Variants in DGKB observed in about 807,000 individuals in gnomAD.
DGKB encodes 90 kDa diacylglycerol kinase.
In DGKB, 67 loss-of-function variants were observed where a neutral mutation model predicts 114.3. The observed-to-expected ratio is 0.59, with a 90% CI of 0.48 to 0.72. DGKB has a LOEUF of 0.72. Ranked by LOEUF, DGKB falls within the 30% of genes least tolerant of loss-of-function variation. The probability of loss-of-function intolerance (pLI) is 0.00; values close to 1 mark genes in which losing one functional copy is unlikely to be tolerated. For missense variants in DGKB, 907 were observed against 975.2 expected (o/e 0.93, Z 0.93); for synonymous variants, 398 against 323.1 (o/e 1.23, Z -2.49).
At chr7:14,463,323 C>T (rs528424419) in intron 21 of DGKB, among the ~76,000 whole-genome samples, 13 of 152,180 alleles carry the variant, frequency 8.5e-5, no homozygotes, top group South Asian at 2.1e-4. Context: ...AGCAAACTAC[C>T]GTGGCACATG....
chr7:14,581,104 A>C (rs1344141226), intron 18 of DGKB, among the ~76,000 whole-genome samples, 153 bp from the exon 19 acceptor site: 1 of 152,256 alleles, frequency 6.6e-6, no homozygotes, highest in Non-Finnish European at 1.5e-5. Flanking sequence ...ACAATAATGA[A>C]TTATGGATAA....
chr7:14,426,641 A>G (rs28729464), intron 21 of DGKB, among the ~76,000 whole-genome samples: 4,410 of 152,238 alleles, frequency 0.029, 236 homozygotes, highest in African/African-American at 0.1. Flanking sequence ...TAAAATTATG[A>G]GTTCAGAAAA....
intron 23 of DGKB, among the ~76,000 whole-genome samples, chr7:14,335,675 G>A (rs771570702): frequency 7.9e-5 from 12 of 152,166 alleles, no homozygotes; most frequent in Admixed American, 5.9e-4. Flanking sequence ...TAATGATTTT[G>A]TGTGAATTTG....
intron 1 of DGKB, among the ~76,000 whole-genome samples, chr7:14,932,926 G>T (rs1313525114): frequency 6.6e-6 from 1 of 152,132 alleles, no homozygotes; most frequent in Non-Finnish European, 1.5e-5. Flanking sequence ...ATTGCTATTT[G>T]GTCGGTCCAG....
intron 21 of DGKB, among the ~76,000 whole-genome samples, chr7:14,353,928 C>A (rs1172122092): frequency 6.6e-6 from 1 of 152,122 alleles, no homozygotes; most frequent in Non-Finnish European, 1.5e-5. Flanking sequence ...CACTTACATG[C>A]ATGAAATAAT....
intron 20 of DGKB, among the ~76,000 whole-genome samples, chr7:14,517,318 A>G (rs1788978375): frequency 6.6e-6 from 1 of 152,166 alleles, no homozygotes; most frequent in African/African-American, 2.4e-5. Context: ...AAGATAGATT[A>G]AAGACTTAAA....
intron 21 of DGKB, among the ~76,000 whole-genome samples, chr7:14,377,593 A>G (rs1818701915): frequency 1.3e-5 from 2 of 152,220 alleles, no homozygotes; most frequent in Non-Finnish European, 1.5e-5. Flanking sequence ...ATAAAAACAT[A>G]TACTGTGTAC....
chr7:14,176,834 C>T lies in DGKB; in HGVS notation c.2304+5G>A, dbSNP rs1466501221. ...GACATAGCATATCAACTACTCTGTA[C>T]TCACTGTGCATGGGGTCTGCATCCA... is the stretch of plus-strand genomic sequence containing the variant. On this transcript the variant is annotated splice_donor_5th_base_variant and intron_variant, in intron 25 of 25. Coordinates refer to ENST00000402815, the MANE Select transcript of DGKB (RefSeq NM_001350709.2). 6.2e-7 allele frequency: 1 copy of T among 1,613,774 alleles called. No individual in the cohort carries two copies. Among genetic ancestry groups the T allele is most frequent in the Admixed American group, 1.7e-5 (1 of 60,026 alleles).
intron 6 of DGKB, among the ~76,000 whole-genome samples, chr7:14,714,076 AACACACACACAC>A (rs71004329): frequency 7.2e-4 from 106 of 147,764 alleles, no homozygotes; most frequent in African/African-American, 1.0e-3. Context: ...TACCTGTTGA[AACACACACACAC>A]ACACACACAC....
At chr7:14,834,858 A>G (rs946322791) in intron 2 of DGKB, among the ~76,000 whole-genome samples, 1 of 152,150 alleles carries the variant, frequency 6.6e-6, no homozygotes, top group Admixed American at 6.6e-5. Flanking sequence ...GAGCTTACCC[A>G]AAGTTTTGCA....
chr7:14,149,808 C>T (rs970411173), intron 25 of DGKB, among the ~76,000 whole-genome samples: 1 of 152,074 alleles, frequency 6.6e-6, no homozygotes, highest in Non-Finnish European at 1.5e-5. Flanking sequence ...GATGAACTAG[C>T]TTTCTAATTT....
rs567515741 is a variant in DGKB at position 14,409,430 on chromosome 7, G to A, written c.1836-64039C>T. On this transcript the variant is annotated intron_variant, in intron 21 of 25. Coordinates refer to ENST00000402815, the MANE Select transcript of DGKB (RefSeq NM_001350709.2). The stretch of plus-strand genomic sequence containing the variant: ...CGACATTAAAGAAAAAGTTGAGGCC[G>A]GGCGCGGTGGCTCACGCCTGTAATC... 4.7e-4 allele frequency among the ~76,000 whole-genome samples: 5 copies of A among 10,646 alleles called. 1 individual carries two copies. In the East Asian group the frequency reaches 8.2e-3, roughly 17 times the overall value. 7.0% of individuals were successfully genotyped at this position (10,646 alleles called of 152,430 possible). A position where few individuals can be genotyped will look rare whatever the true frequency, so the allele number is the denominator to read the frequency against.
chr7:14,551,702 CA>C (rs1383495325), intron 20 of DGKB, among the ~76,000 whole-genome samples: 1 of 152,008 alleles, frequency 6.6e-6, no homozygotes, highest in East Asian at 1.9e-4. Context: ...GCCTCAGAGA[CA>C]TAAGAGGTGG....
intron 23 of DGKB, among the ~76,000 whole-genome samples, chr7:14,254,044 C>G (rs1266619240): frequency 1.3e-5 from 2 of 152,124 alleles, no homozygotes; most frequent in African/African-American, 4.8e-5. Flanking sequence ...TTTGCTGATA[C>G]AAACTTGTGA....
intron 20 of DGKB, among the ~76,000 whole-genome samples, chr7:14,484,373 G>A (rs1202316813): frequency 6.6e-6 from 1 of 152,164 alleles, no homozygotes; most frequent in East Asian, 1.9e-4. Context: ...CAGTGTTGGA[G>A]GTGGGGCCTC....
rs545216048 is a variant in DGKB, at chr7:14,688,959, TATAA to T, written c.712-3601_712-3598del. 6.5e-4 allele frequency among the ~76,000 whole-genome samples: 99 copies of T among 152,082 alleles called. No homozygotes were observed. The East Asian group carries it at 0.016, about 25-fold the overall frequency. ...AAATGTTCAAGTGAACTAGGGCTAC[TATAA>T]ATAATTTTTTTTCAGAAGACCTCAA... On this transcript the variant is annotated intron_variant, in intron 9 of 25. Coordinates refer to ENST00000402815, the MANE Select transcript of DGKB (RefSeq NM_001350709.2).
chr7:14,377,429 G>A (rs990541577), intron 21 of DGKB, among the ~76,000 whole-genome samples: 1 of 152,092 alleles, frequency 6.6e-6, no homozygotes, highest in Non-Finnish European at 1.5e-5. Context: ...TTGCATTGAT[G>A]GTAGTCTTGT....
At chr7:14,888,803 G>A (rs1161559082) in intron 1 of DGKB, among the ~76,000 whole-genome samples, 1 of 151,698 alleles carries the variant, frequency 6.6e-6, no homozygotes, top group Non-Finnish European at 1.5e-5. Flanking sequence ...TTTAGGTAGT[G>A]TTTGAAGCTT....
intron 17 of DGKB, among the ~76,000 whole-genome samples, chr7:14,590,699 G>T (rs1801559165): frequency 6.6e-6 from 1 of 152,024 alleles, no homozygotes; most frequent in Non-Finnish European, 1.5e-5. Context: ...TTTATTTAGT[G>T]ATTCTGACCC....
Sources: allele counts gnomAD v4.1 joint callset (sites outside exome capture counted in the v4.1 genomes callset), GRCh38; gene constraint gnomAD v4.1.1; transcripts MANE v1.5; gene names NCBI Gene and HGNC (gene_info 2026-07-23, HGNC 2026-07-21).